Variants in AGAP1 observed in about 807,000 individuals in gnomAD.
The protein encoded by AGAP1 is ArfGAP with GTPase domain, ankyrin repeat and PH domain 1.
AGAP1 carries 29 observed loss-of-function variants against 105.3 expected under a neutral mutation model. The observed-to-expected ratio is 0.28, with a 90% CI of 0.21 to 0.38. The LOEUF (loss-of-function observed/expected upper bound fraction) is 0.38, where lower values mean the gene tolerates loss of function less well. AGAP1 is among the 10% of genes least tolerant of loss of function. The pLI is 1.00. For synonymous variants in AGAP1, 509 were observed against 485.9 expected (o/e 1.05, Z -0.63); for missense variants, 998 against 1,165.1 (o/e 0.86, Z 2.09).
rs983674382 is a variant in AGAP1 at position 235,958,207 on chromosome 2, G to A, written c.1484-10255G>A. Among the ~76,000 whole-genome samples, 76 of 152,106 alleles carry A rather than the reference G, an allele frequency of 5.0e-4. No individual in the cohort carries two copies. The highest frequency in any genetic ancestry group is 1.7e-3 in the African/African-American group (70 of 41,414). ...AGTGTTGCCTGCTCCTAGCAAATTC[G>A]TGGCGTGCCCCTCATCAAACTACGT... On this transcript the variant is annotated intron_variant, in intron 12 of 17. Transcript: ENST00000304032. This position sits in a 1 kb window ranked among gnomAD's most constrained non-coding sequence, Gnocchi z 4.1.
chr2:235,951,500 C>G lies in AGAP1; in HGVS notation c.1484-16962C>G, dbSNP rs2053739061. On this transcript the variant is annotated intron_variant, in intron 12 of 17. Coordinates refer to ENST00000304032, the MANE Select transcript of AGAP1 (RefSeq NM_001037131.3). The surrounding 1 kb of genome is among the most constrained non-coding windows in gnomAD (Gnocchi z 4.2). ...GAGATTTCCTCTGAACTTTGTTCTT[C>G]TCGTTATTTTTGGAATGATTGCAGG... Among the ~76,000 whole-genome samples, 1 of 152,138 alleles carries G rather than the reference C, an allele frequency of 6.6e-6. No individual in the cohort carries two copies.
chr2:235,512,233 T>C (rs890973848), intron 1 of AGAP1, among the ~76,000 whole-genome samples: 1 of 152,198 alleles, frequency 6.6e-6, no homozygotes, highest in African/African-American at 2.4e-5. Context: ...GGAGTTTTCT[T>C]TGAGTATCTG....
At position 236,113,412 on chromosome 2, in the gene AGAP1, TAC is replaced by T. The variant is rs2059698087; in HGVS notation, c.2115-6778_2115-6777del. 6.6e-6 allele frequency among the ~76,000 whole-genome samples: 1 copy of T among 152,328 alleles called. No homozygotes were observed. Among genetic ancestry groups the T allele is most frequent in the Non-Finnish European group, 1.5e-5 (1 of 68,034 alleles). On this transcript the variant is annotated intron_variant, in intron 16 of 17. Transcript: ENST00000304032. The surrounding 1 kb of genome is among the most constrained non-coding windows in gnomAD (Gnocchi z 4.3). ...CTTCGGCCTCCCAAAGTGCTGGGAT[TAC>T]AGTCATGAGCCACCATGCCCGGCTG...
rs1364148944 is a variant in AGAP1 at position 235,582,969 on chromosome 2, G to A, written c.163+88120G>A. Among the ~76,000 whole-genome samples the A allele has an allele frequency of 2.0e-5, 3 of 152,204 alleles. No homozygotes were observed. The highest frequency in any genetic ancestry group is 3.8e-4 in the East Asian group (2 of 5,196). The stretch of plus-strand genomic sequence containing the variant: ...ATTTTATGTTGTTGGGATTTGGCTC[G>A]GAACCTGCCAAGGACCCCTGTGTGT... On this transcript the variant is annotated intron_variant, in intron 1 of 17. Transcript: ENST00000304032. The surrounding 1 kb of genome is among the most constrained non-coding windows in gnomAD (Gnocchi z 4.7).
rs1489666896 is a variant in AGAP1 at position 235,919,320 on chromosome 2, A to G, written c.1324+10414A>G. ...TGGCAGAGGAGAGTTTTTCGAAGTA[A>G]TCGTGACATTTTTCCATCTCGAAAC... is the stretch of plus-strand genomic sequence containing the variant. On this transcript the variant is annotated intron_variant, in intron 11 of 17. Coordinates refer to ENST00000304032, the MANE Select transcript of AGAP1 (RefSeq NM_001037131.3). The surrounding 1 kb of genome is among the most constrained non-coding windows in gnomAD (Gnocchi z 4.1). 2.0e-5 allele frequency among the ~76,000 whole-genome samples: 3 copies of G among 152,132 alleles called. No homozygotes were observed. The highest frequency in any genetic ancestry group is 4.4e-5 in the Non-Finnish European group (3 of 68,016).
intron 1 of AGAP1, among the ~76,000 whole-genome samples, chr2:235,496,126 T>C (rs1256592600): frequency 6.6e-6 from 1 of 152,140 alleles, no homozygotes; most frequent in African/African-American, 2.4e-5. Context: ...AGAAAGTGGA[T>C]GTTGTGTTGC....
At chr2:235,755,499 G>A (rs1265984019) in intron 6 of AGAP1, among the ~76,000 whole-genome samples, 2 of 152,136 alleles carry the variant, frequency 1.3e-5, no homozygotes, top group African/African-American at 2.4e-5. Flanking sequence ...GGAGTGCAGT[G>A]GCACGATCTA....
intron 6 of AGAP1, among the ~76,000 whole-genome samples, chr2:235,776,522 T>C (rs1955876458): frequency 6.6e-6 from 1 of 152,182 alleles, no homozygotes; most frequent in Non-Finnish European, 1.5e-5. Flanking sequence ...CAAACTTGTT[T>C]TTGGCTGTGA....
intron 10 of AGAP1, among the ~76,000 whole-genome samples, chr2:235,892,138 T>G (rs1217401261): frequency 6.6e-6 from 1 of 150,588 alleles, no homozygotes; most frequent in Non-Finnish European, 1.5e-5. Flanking sequence ...TCGGCAACAG[T>G]GAGACTCCCA....
intron 5 of AGAP1, among the ~76,000 whole-genome samples, chr2:235,746,402 T>TTTTTTTTC: frequency 7.7e-6 from 1 of 130,152 alleles, no homozygotes; most frequent in Non-Finnish European, 1.6e-5. Context: ...TTTTTTTTTT[T>TTTTTTTTC]TTTTTTTTTA....
At chr2:235,607,175 C>G (rs1463096055) in intron 1 of AGAP1, among the ~76,000 whole-genome samples, 1 of 136,340 alleles carries the variant, frequency 7.3e-6, no homozygotes, top group African/African-American at 3.3e-5. Context: ...TCGTTTGTTT[C>G]CAAATCCAGA....
intron 9 of AGAP1, among the ~76,000 whole-genome samples, chr2:235,871,299 C>T (rs1379877502): frequency 6.6e-6 from 1 of 152,214 alleles, no homozygotes; most frequent in Non-Finnish European, 1.5e-5. Context: ...CCTGGACCTC[C>T]TCTCTCTCCT....
chr2:236,049,473 T>A, intron 16 of AGAP1, 192 bp downstream of exon 16: 1 of 532,476 alleles, frequency 1.9e-6, no homozygotes, highest in Non-Finnish European at 3.3e-6. Context: ...TCACACTCCT[T>A]AATTTTTTAT....
At position 236,000,326 on chromosome 2, in the gene AGAP1, T is replaced by A. The variant is rs1377330954; in HGVS notation, c.1645+31703T>A. Among the ~76,000 whole-genome samples, 1 of 152,256 alleles carries A rather than the reference T, an allele frequency of 6.6e-6. No individual in the cohort carries two copies. On this transcript the variant is annotated intron_variant, in intron 13 of 17. Transcript: ENST00000304032. The surrounding 1 kb of genome is among the most constrained non-coding windows in gnomAD (Gnocchi z 4.3). Reference sequence around the variant, plus strand: ...GAAACAACGTGGGAGGAAACAAAGTTATTTGAGGACCTGCTGTACACAGTT... The same window carrying A: ...GAAACAACGTGGGAGGAAACAAAGTAATTTGAGGACCTGCTGTACACAGTT...
chr2:235,579,084 A>C (rs1212437746), intron 1 of AGAP1, among the ~76,000 whole-genome samples: 1 of 152,220 alleles, frequency 6.6e-6, no homozygotes, highest in Non-Finnish European at 1.5e-5. Context: ...TATCACCATG[A>C]AGCAGCCTTC....
chr2:236,015,341 C>T (rs539291603), intron 13 of AGAP1, among the ~76,000 whole-genome samples: 1 of 152,122 alleles, frequency 6.6e-6, no homozygotes, highest in East Asian at 1.9e-4. Flanking sequence ...CTCTCTGCAG[C>T]TCTAATCCAC....
chr2:235,609,845 C>G lies in AGAP1; in HGVS notation c.164-99334C>G, dbSNP rs1946068937. ...GCTTGGCAGGATTGAAGGCGCAACTCTTGGCTTCGTGTTTCAGAGGTTGGT... is the reference window on the plus strand; with the variant it reads ...GCTTGGCAGGATTGAAGGCGCAACTGTTGGCTTCGTGTTTCAGAGGTTGGT... On this transcript the variant is annotated intron_variant, in intron 1 of 17. Transcript: ENST00000304032. This position sits in a 1 kb window ranked among gnomAD's most constrained non-coding sequence, Gnocchi z 5.1. Among the ~76,000 whole-genome samples, 1 of 152,068 alleles carries G rather than the reference C, an allele frequency of 6.6e-6. No homozygotes were observed. The highest frequency in any genetic ancestry group is 2.4e-5 in the African/African-American group (1 of 41,408).
intron 1 of AGAP1, among the ~76,000 whole-genome samples, chr2:235,588,123 G>A (rs1473997116): frequency 2.0e-5 from 3 of 151,906 alleles, no homozygotes; most frequent in East Asian, 1.9e-4. Flanking sequence ...CCAGCTACTC[G>A]GGAGACTGAG....
Position 235,550,125 on chromosome 2 carries a change from A to G in AGAP1, c.163+55276A>G, listed in dbSNP as rs1320996979. On this transcript the variant is annotated intron_variant, in intron 1 of 17. Transcript: ENST00000304032. The surrounding 1 kb of genome is among the most constrained non-coding windows in gnomAD (Gnocchi z 4.6). ...ATGTCCACATCTGGAGTAGACCCTG[A>G]GTGGGGCAGAACCATCATCCTGCGT... Among the ~76,000 whole-genome samples, 3 of 152,172 alleles carry G rather than the reference A, an allele frequency of 2.0e-5. No individual in the cohort carries two copies. Among genetic ancestry groups the G allele is most frequent in the African/African-American group, 7.2e-5 (3 of 41,422 alleles).
Sources: allele counts gnomAD v4.1 joint callset (sites outside exome capture counted in the v4.1 genomes callset), GRCh38; gene constraint gnomAD v4.1.1; non-coding constraint Gnocchi (gnomAD v3.1); transcripts MANE v1.5; gene names NCBI Gene and HGNC (gene_info 2026-07-23, HGNC 2026-07-21).